Variants in RAB27A observed in about 807,000 individuals in gnomAD.
RAB27A encodes the protein ras-related protein Rab-27A.
RAB27A carries 17 observed loss-of-function variants against 20.8 expected under a neutral mutation model. The ratio of observed to expected loss-of-function variants is 0.82; its 90% CI spans 0.56 to 1.23. The LOEUF is 1.23. Ranked by LOEUF, RAB27A falls within the 50% of genes most tolerant of loss-of-function variation. The pLI is 0.00. For missense variants in RAB27A, 277 were observed against 266.7 expected, an observed-to-expected ratio of 1.04 and a Z score of -0.27; for synonymous variants, 85 against 92.8, an observed-to-expected ratio of 0.92 and a Z score of 0.48.
Position 55,265,438 on chromosome 15 carries a change from G to T in RAB27A, c.-23+4727C>A, listed in dbSNP as rs529570605. Among the ~76,000 whole-genome samples, 3 of 152,214 alleles carry T rather than the reference G, an allele frequency of 2.0e-5. No homozygotes were observed. The South Asian group carries it at 6.2e-4, about 32-fold the overall frequency. ...ATGTGAGTGTACAGGCACACATAAG[G>T]ACAAGTGACAGATGTGAATGGACAA... On this transcript the variant is annotated intron_variant, in intron 2 of 6. Transcript: ENST00000336787.
In RAB27A at chr15:55,318,820, C is replaced by T. The variant is rs564638800; in HGVS notation, c.-234+111G>A. ...TACAACAAGCTAAATCATCCCTACC[C>T]TGCCTACCTCGTTGAACAGGCATTT... is the stretch of plus-strand genomic sequence containing the variant. On this transcript the variant is annotated intron_variant, in intron 1 of 5. Coordinates refer to the RAB27A transcript ENST00000563262. 1.0e-3 allele frequency: 166 copies of T among 161,218 alleles called. 1 individual carries two copies. Among genetic ancestry groups the T allele is most frequent in the African/African-American group, 3.6e-3 (151 of 41,856 alleles). 10.0% of individuals were successfully genotyped at this position (161,218 alleles called of 1,614,324 possible).
chr15:55,266,948 T>C lies in RAB27A; in HGVS notation c.-23+3217A>G, dbSNP rs146075210. Among the ~76,000 whole-genome samples the C allele has an allele frequency of 3.6e-3, 545 of 152,292 alleles. 1 individual carries two copies. The highest frequency in any genetic ancestry group is 6.2e-3 in the Non-Finnish European group (420 of 68,022). Reference sequence around the variant, plus strand: ...ATGAATTTTAGTGTCATCAACATAATAGTATTTCCTTAGGCCATGGGAAAA... The same window carrying C: ...ATGAATTTTAGTGTCATCAACATAACAGTATTTCCTTAGGCCATGGGAAAA... On this transcript the variant is annotated intron_variant, in intron 2 of 6. Transcript: ENST00000336787.
chr15:55,230,477 C>T lies in RAB27A; in HGVS notation c.163G>A (p.Ala55Thr), dbSNP rs1895987990. 3 of 1,612,916 alleles carry T rather than the reference C, an allele frequency of 1.9e-6. No individual in the cohort carries two copies. The African/African-American group carries it at 4.0e-5, about 22-fold the overall frequency. The change falls in exon 4 of 7, where the codon GCC becomes ACC. Residue 55 changes from alanine to threonine, a missense_variant. Transcript: ENST00000336787. The stretch of plus-strand genomic sequence containing the variant: ...CCAGTGGCTCCATCCGGCCCACTGG[C>T]TCTGTACACCTAAAACAGCAAAGTG... ...DFREKRVVYR[A>T]SGPDGATGRG... is the part of the protein sequence containing the mutation.
chr15:55,308,936 A>G (rs2055008961), intron 2 of RAB27A, among the ~76,000 whole-genome samples: 1 of 152,244 alleles, frequency 6.6e-6, no homozygotes, highest in African/African-American at 2.4e-5. Flanking sequence ...TTCCTTATTC[A>G]GGTATGCCAC....
chr15:55,309,248 T>C (rs892369803), intron 2 of RAB27A, among the ~76,000 whole-genome samples: 9 of 152,202 alleles, frequency 5.9e-5, no homozygotes, highest in Non-Finnish European at 1.3e-4. Context: ...CTTTAGAGTT[T>C]TGGGATGAGG....
chr15:55,223,205 C>A (rs749717977), intron 6 of RAB27A, among the ~76,000 whole-genome samples: 3 of 152,110 alleles, frequency 2.0e-5, no homozygotes, highest in Non-Finnish European at 4.4e-5. Context: ...CATGAAGTGG[C>A]TTTGAAATTT....
chr15:55,285,570 A>G (rs776443733), intron 1 of RAB27A, among the ~76,000 whole-genome samples: 5 of 152,192 alleles, frequency 3.3e-5, no homozygotes, highest in Non-Finnish European at 7.4e-5. Flanking sequence ...CTTAAGGGAA[A>G]CCAAATCATA....
In RAB27A at chr15:55,259,107, T is replaced by C. The variant is rs1897185104; in HGVS notation, c.-23+11058A>G. On this transcript the variant is annotated intron_variant, in intron 2 of 6. Coordinates refer to ENST00000336787, the MANE Select transcript of RAB27A (RefSeq NM_183235.3). ...CTGAGATTATAGACATAAGCCACCA[T>C]GCCCAGCCAGGTTCTTTTTCTATGG... is the stretch of plus-strand genomic sequence containing the variant. Among the ~76,000 whole-genome samples, 6 of 152,210 alleles carry C rather than the reference T, an allele frequency of 3.9e-5. No homozygotes were observed. In the South Asian group the frequency reaches 1.2e-3, roughly 32 times the overall value.
intron 6 of RAB27A, among the ~76,000 whole-genome samples, chr15:55,219,422 C>T (rs1182748209): frequency 6.6e-6 from 1 of 152,208 alleles, no homozygotes; most frequent in Non-Finnish European, 1.5e-5. Context: ...CTAGCATGCT[C>T]ACCTGTCAAG....
chr15:55,226,240 T>G (rs1895789490), intron 5 of RAB27A, among the ~76,000 whole-genome samples: 1 of 152,118 alleles, frequency 6.6e-6, no homozygotes, highest in East Asian at 1.9e-4. Context: ...ACTACCACAC[T>G]ACCAAATTCC....
At chr15:55,289,033 C>G (rs1281049948) in intron 1 of RAB27A, 1 of 152,322 alleles carries the variant, frequency 6.6e-6, no homozygotes, top group Non-Finnish European at 1.5e-5. Context: ...GCAGAAGACC[C>G]TGAGGCCATG....
At chr15:55,281,035 G>C (rs1204818510) in intron 1 of RAB27A, among the ~76,000 whole-genome samples, 1 of 152,190 alleles carries the variant, frequency 6.6e-6, no homozygotes, top group East Asian at 1.9e-4. Flanking sequence ...TAATGGGATT[G>C]CTGGGTCAAA....
At chr15:55,239,236 T>C (rs1896385079) in intron 2 of RAB27A, among the ~76,000 whole-genome samples, 1 of 152,234 alleles carries the variant, frequency 6.6e-6, no homozygotes, top group South Asian at 2.1e-4. Context: ...TATAGTTATC[T>C]GTAAAATTGT....
chr15:55,231,902 C>A (rs1368947051), intron 3 of RAB27A, among the ~76,000 whole-genome samples: 3 of 151,154 alleles, frequency 2.0e-5, no homozygotes, highest in Non-Finnish European at 4.4e-5. Context: ...AAAAGTCTAA[C>A]AACAACAACA....
At chr15:55,308,608 G>A (rs191151705) in intron 2 of RAB27A, among the ~76,000 whole-genome samples, 7 of 152,328 alleles carry the variant, frequency 4.6e-5, no homozygotes, top group South Asian at 4.1e-4. Context: ...CCCCTCGAGC[G>A]GTGTAGGTTT....
chr15:55,273,305 A>C (rs1897759838), intron 1 of RAB27A, among the ~76,000 whole-genome samples: 1 of 151,874 alleles, frequency 6.6e-6, no homozygotes, highest in Non-Finnish European at 1.5e-5. Context: ...GCTACTAGGG[A>C]GGCTGAGGCA....
intron 1 of RAB27A, among the ~76,000 whole-genome samples, chr15:55,283,508 G>T (rs2141124539): frequency 6.6e-6 from 1 of 152,224 alleles, no homozygotes; most frequent in South Asian, 2.1e-4. Context: ...GCAGACGTGG[G>T]ACCTGGGACA....
chr15:55,260,779 G>A (rs1304940406), intron 2 of RAB27A, among the ~76,000 whole-genome samples: 1 of 152,182 alleles, frequency 6.6e-6, no homozygotes, highest in Non-Finnish European at 1.5e-5. Flanking sequence ...TGGGGGAAGT[G>A]AAAGAGATGA....
In RAB27A at chr15:55,241,624, A is replaced by ATG. The variant is rs1555395487; in HGVS notation, c.-22-6670_-22-6669dup. 3.1e-4 allele frequency among the ~76,000 whole-genome samples: 36 copies of ATG among 117,658 alleles called. 2 individuals are homozygous for ATG. The highest frequency in any genetic ancestry group is 1.5e-3 in the South Asian group (6 of 4,008). 77.2% of individuals were successfully genotyped at this position (117,658 alleles called of 152,430 possible). The stretch of plus-strand genomic sequence containing the variant: ...TTTATATATATATATATATATATAT[A>ATG]TGTGTGTATATATATTTGTTTTTTT... On this transcript the variant is annotated intron_variant, in intron 2 of 6. Coordinates refer to ENST00000336787, the MANE Select transcript of RAB27A (RefSeq NM_183235.3).
Sources: gnomAD v4.1 joint callset for allele counts (sites outside exome capture counted in the v4.1 genomes callset) on GRCh38, gnomAD v4.1.1 for gene constraint, MANE v1.5 for transcripts, NCBI Gene and HGNC (gene_info 2026-07-23, HGNC 2026-07-21) for gene names.